The following DGKI variants were observed in gnomAD, a reference collection of about 807,000 sequenced individuals.
DGKI encodes the protein DAG kinase iota.
In DGKI, 55 loss-of-function variants were observed where a neutral mutation model predicts 147.5. The ratio of observed to expected loss-of-function variants is 0.37; its 90% confidence interval spans 0.30 to 0.47. The LOEUF (loss-of-function observed/expected upper bound fraction) is 0.47, where lower values mean the gene tolerates loss of function less well. DGKI is among the 20% of genes least tolerant of loss of function. The pLI is 1.00. For synonymous variants in DGKI, 469 were observed against 477.1 expected (o/e 0.98, Z 0.22); for missense variants, 1,007 against 1,323.8 (o/e 0.76, Z 3.71).
intron 6 of DGKI, among the ~76,000 whole-genome samples, chr7:137,628,832 T>C (rs1270329592): frequency 6.6e-6 from 1 of 152,324 alleles, no homozygotes; most frequent in African/African-American, 2.4e-5. Flanking sequence ...TCTGACTTCT[T>C]CTGTCATCTA....
At chr7:137,760,182 A>G (rs1003123083) in intron 1 of DGKI, among the ~76,000 whole-genome samples, 8 of 151,934 alleles carry the variant, frequency 5.3e-5, no homozygotes, top group Non-Finnish European at 1.0e-4. Context: ...TTTCCCTTGC[A>G]CTCACTGTTG....
At chr7:137,416,239 G>C (rs905258809) in intron 28 of DGKI, among the ~76,000 whole-genome samples, 1 of 152,108 alleles carries the variant, frequency 6.6e-6, no homozygotes, top group Non-Finnish European at 1.5e-5. Context: ...GGCTATTTAA[G>C]GATCACTAAA....
chr7:137,530,955 AG>A (rs1407347437), intron 20 of DGKI, among the ~76,000 whole-genome samples: 1 of 152,186 alleles, frequency 6.6e-6, no homozygotes, highest in Non-Finnish European at 1.5e-5. Context: ...AGTCTTACGA[AG>A]ATGCCGTCTT....
chr7:137,810,956 G>A (rs1001404005), intron 1 of DGKI, among the ~76,000 whole-genome samples: 7 of 152,228 alleles, frequency 4.6e-5, no homozygotes, highest in Admixed American at 3.3e-4. Flanking sequence ...TCTATCTTAT[G>A]TAGTACATTC....
At chr7:137,723,295 A>C (rs1025382136) in intron 1 of DGKI, among the ~76,000 whole-genome samples, 2 of 152,236 alleles carry the variant, frequency 1.3e-5, no homozygotes, top group Non-Finnish European at 2.9e-5. Flanking sequence ...TCATTTGGTC[A>C]TTCACTAATT....
chr7:137,602,893 TG>T (rs1820043106), intron 10 of DGKI, among the ~76,000 whole-genome samples: 1 of 148,452 alleles, frequency 6.7e-6, no homozygotes, highest in South Asian at 2.1e-4. Context: ...TTTCTCTAAA[TG>T]AAAAAAAAAA....
At chr7:137,768,863 C>T (rs1260312936) in intron 1 of DGKI, among the ~76,000 whole-genome samples, 2 of 152,116 alleles carry the variant, frequency 1.3e-5, no homozygotes, top group African/African-American at 2.4e-5. Flanking sequence ...GTCTATATGG[C>T]GGCTTCATCA....
intron 1 of DGKI, among the ~76,000 whole-genome samples, chr7:137,700,307 C>A (rs1032103068): frequency 7.2e-5 from 11 of 152,014 alleles, no homozygotes; most frequent in Non-Finnish European, 1.3e-4. Context: ...TCAAGACCTG[C>A]AATATAGCTA....
At chr7:137,659,872 G>A (rs1341607587) in intron 3 of DGKI, among the ~76,000 whole-genome samples, 1 of 152,210 alleles carries the variant, frequency 6.6e-6, no homozygotes, top group Non-Finnish European at 1.5e-5. Flanking sequence ...GGCAGAGCTT[G>A]CAGTGAGCCG....
intron 23 of DGKI, among the ~76,000 whole-genome samples, chr7:137,484,026 T>C (rs1334876092): frequency 5.3e-5 from 8 of 152,108 alleles, no homozygotes; most frequent in Non-Finnish European, 1.0e-4. Context: ...GTAAAAACAG[T>C]CTAGAAGAAG....
intron 1 of DGKI, among the ~76,000 whole-genome samples, chr7:137,737,571 C>T (rs531969164): frequency 1.3e-4 from 19 of 151,786 alleles, no homozygotes; most frequent in Non-Finnish European, 1.8e-4. Context: ...TGATAGACTT[C>T]GGAATGGAAC....
Position 137,463,491 on chromosome 7 carries a change from T to G in DGKI, c.2733A>C (p.Leu911=), listed in dbSNP as rs1482683405. 2.5e-6 allele frequency: 4 copies of G among 1,613,912 alleles called. No homozygotes were observed. The highest frequency in any genetic ancestry group is 1.1e-5 in the South Asian group (1 of 91,058). ...DLKDLSHSRV[L]QSPVSSEDHA... ...AAGAACAGCAAGAGAACTCTTACTG[T>G]AGCACGCGGGAGTGGCTGAGATCTT... is the stretch of plus-strand genomic sequence containing the variant. The change falls in exon 27 of 33, where the codon CTA becomes CTC. Residue 911 remains leucine (L), a splice_region_variant and synonymous_variant. Coordinates refer to ENST00000614521, the MANE Select transcript of DGKI (RefSeq NM_001321708.2).
At chr7:137,642,200 T>A (rs1048225495) in intron 6 of DGKI, among the ~76,000 whole-genome samples, 1 of 152,232 alleles carries the variant, frequency 6.6e-6, no homozygotes, top group Non-Finnish European at 1.5e-5. Context: ...TTTTATGGAT[T>A]GCATCAAACA....
chr7:137,717,290 C>CT (rs1408262610), intron 1 of DGKI, among the ~76,000 whole-genome samples: 1 of 152,094 alleles, frequency 6.6e-6, no homozygotes, highest in African/African-American at 2.4e-5. Context: ...ACAGACACGC[C>CT]TTTTTTGGCT....
chr7:137,429,548 CA>C (rs1812974509), intron 28 of DGKI, among the ~76,000 whole-genome samples: 1 of 151,348 alleles, frequency 6.6e-6, no homozygotes, highest in Non-Finnish European at 1.5e-5. Flanking sequence ...ACAAAATTGA[CA>C]AATGGGATCT....
chr7:137,846,933 G>T lies in DGKI; in HGVS notation c.-71C>A, dbSNP rs1798761671. ...CCCCCGCCCCGGCCAATCAGAGGCC[G>T]CCGCTCCCCGCCTCCCGCGCCCTCC... is the stretch of plus-strand genomic sequence containing the variant. On this transcript the variant is annotated 5_prime_UTR_variant, in exon 1 of 33. Transcript: ENST00000614521. The surrounding 1 kb of genome is among the most constrained non-coding windows in gnomAD (Gnocchi z 4.0). 22 of 1,025,464 alleles carry T rather than the reference G, an allele frequency of 2.1e-5. No individual in the cohort carries two copies. Among genetic ancestry groups the T allele is most frequent in the African/African-American group, 1.5e-4 (9 of 58,362 alleles). 63.5% of individuals were successfully genotyped at this position (1,025,464 alleles called of 1,614,324 possible). A position where few individuals can be genotyped will look rare whatever the true frequency, so the allele number is the denominator to read the frequency against.
At chr7:137,786,018 C>T (rs1387457143) in intron 1 of DGKI, among the ~76,000 whole-genome samples, 1 of 152,114 alleles carries the variant, frequency 6.6e-6, no homozygotes, top group African/African-American at 2.4e-5. Flanking sequence ...CTACATTATG[C>T]TGAATGGGGA....
chr7:137,817,330 C>T (rs1051577118), intron 1 of DGKI, among the ~76,000 whole-genome samples: 35 of 152,244 alleles, frequency 2.3e-4, no homozygotes, highest in African/African-American at 8.4e-4. Context: ...GACACATACT[C>T]GGTGCTTAAT....
intron 1 of DGKI, among the ~76,000 whole-genome samples, chr7:137,767,525 GAGAAGAGT>G: frequency 6.8e-6 from 1 of 147,502 alleles, no homozygotes; most frequent in African/African-American, 2.6e-5. Flanking sequence ...GAGAAGAGAA[GAGAAGAGT>G]AGAGTAGGAG....
Sources: allele counts gnomAD v4.1 joint callset (sites outside exome capture counted in the v4.1 genomes callset), GRCh38; gene constraint gnomAD v4.1.1; non-coding constraint Gnocchi (gnomAD v3.1); transcripts MANE v1.5; gene names NCBI Gene and HGNC (gene_info 2026-07-23, HGNC 2026-07-21).